The following MACF1 variants were observed in gnomAD, a reference collection of about 807,000 sequenced individuals.
The protein encoded by MACF1 is microtubule-actin cross-linking factor 1.
A neutral mutation model predicts 854.8 loss-of-function variants in MACF1; 193 were observed. The ratio of observed to expected loss-of-function variants is 0.23; its 90% CI spans 0.20 to 0.25. The LOEUF (loss-of-function observed/expected upper bound fraction) is 0.25. Among genes scored for constraint, MACF1 ranks in the 10% least tolerant of loss-of-function variants. MACF1 has a pLI of 1.00. For synonymous variants in MACF1, 3,185 were observed against 3,226.7 expected, an observed-to-expected ratio of 0.99 and a Z score of 0.44; for missense variants, 7,722 against 8,929.1, an observed-to-expected ratio of 0.86 and a Z score of 5.45.
At chr1:39,374,601 C>T (rs1384238630) in intron 52 of MACF1, among the ~76,000 whole-genome samples, 1 of 152,104 alleles carries the variant, frequency 6.6e-6, no homozygotes, top group Non-Finnish European at 1.5e-5. Context: ...CAGTCATATA[C>T]CTCTGCCATT....
chr1:39,173,837 G>T (rs1208177162), intron 2 of MACF1, among the ~76,000 whole-genome samples: 2 of 152,124 alleles, frequency 1.3e-5, no homozygotes, highest in East Asian at 3.8e-4. Context: ...TTTGGTTAGG[G>T]TTAAGAATAA....
At chr1:39,404,896 C>CCTT (rs1642634251) in intron 58 of MACF1, among the ~76,000 whole-genome samples, 1 of 152,164 alleles carries the variant, frequency 6.6e-6, no homozygotes, top group Non-Finnish European at 1.5e-5. Context: ...CTCCATAAAG[C>CCTT]CTTCTCTGAT....
chr1:39,477,135 T>TATATACACACAC (rs71060314), intron 97 of MACF1, among the ~76,000 whole-genome samples: 2 of 103,372 alleles, frequency 1.9e-5, no homozygotes, highest in African/African-American at 7.8e-5. Context: ...TATATATATA[T>TATATACACACAC]ACACACACAC....
intron 49 of MACF1, among the ~76,000 whole-genome samples, chr1:39,364,573 A>G (rs2148524887): frequency 6.6e-6 from 1 of 151,968 alleles, no homozygotes; most frequent in Middle Eastern, 3.4e-3. Flanking sequence ...GCTCACTGCA[A>G]GCTCTGCCTC....
At chr1:39,097,565 T>C (rs1450921163) in intron 2 of MACF1, among the ~76,000 whole-genome samples, 1 of 151,732 alleles carries the variant, frequency 6.6e-6, no homozygotes, top group African/African-American at 2.4e-5. Context: ...CTACAAAAAA[T>C]ACAAAAATTA....
intron 15 of MACF1, 56 bp from the exon 16 acceptor site, chr1:39,291,854 A>G: frequency 6.4e-7 from 1 of 1,566,524 alleles, no homozygotes; most frequent in South Asian, 1.2e-5. Context: ...GGTTCTGACC[A>G]TTTTCCTACC....
chr1:39,327,284 C>T lies in MACF1; in HGVS notation c.4545C>T (p.Asp1515=). 1.2e-6 allele frequency: 2 copies of T among 1,607,828 alleles called. No homozygotes were observed. The highest frequency in any genetic ancestry group is 1.1e-5 in the South Asian group (1 of 90,690). Residue 1515 remains aspartate (D), a synonymous_variant, in exon 36 of 101, where the codon GAC becomes GAT. Coordinates refer to ENST00000564288, the MANE Select transcript of MACF1 (RefSeq NM_001394062.1). ...QLNALNKAYH[D]LCDGSANQLQ... Reference sequence around the variant, plus strand: ...ATGCCCTAAACAAGGCTTACCATGACCTTTGTGATGGTTCTGCAAATCAGC... The same window carrying T: ...ATGCCCTAAACAAGGCTTACCATGATCTTTGTGATGGTTCTGCAAATCAGC...
chr1:39,427,577 A>C lies in MACF1; in HGVS notation c.16439A>C (p.Gln5480Pro), dbSNP rs781432055. 15 of 1,614,058 alleles carry C rather than the reference A, an allele frequency of 9.3e-6. No homozygotes were observed. Among genetic ancestry groups the C allele is most frequent in the Non-Finnish European group, 1.3e-5 (15 of 1,180,010 alleles). ...GCTAACTCAGAACCTGTTGGCACTC[A>C]GACTGCCAAAATACAGCAGCAGATC... ...KLANSEPVGTQTAKIQQQIIR... is the reference protein window; with the variant it reads ...KLANSEPVGTPTAKIQQQIIR... The change falls in exon 62 of 101, where the codon CAG becomes CCG. Residue 5480 changes from glutamine (Q) to proline (P), a missense_variant. Transcript: ENST00000564288.
chr1:39,414,331 A>AC (rs1195687701), intron 58 of MACF1: 1 of 1,613,866 alleles, frequency 6.2e-7, no homozygotes, highest in African/African-American at 1.3e-5. Context: ...AGAAGAAGGA[A>AC]CACCTGTTCT....
intron 93 of MACF1, 49 bp from the exon 94 acceptor site, chr1:39,463,563 G>A: frequency 7.8e-7 from 1 of 1,283,474 alleles, no homozygotes. Context: ...CTCTGAATAG[G>A]AAGTTTTGCT....
At chr1:39,141,763 T>C (rs553048512) in intron 2 of MACF1, among the ~76,000 whole-genome samples, 69 of 152,348 alleles carry the variant, frequency 4.5e-4, no homozygotes, top group African/African-American at 1.4e-3. Flanking sequence ...GTTCTGATTC[T>C]ACCTTAGATT....
chr1:39,264,887 G>A (rs1426247000), intron 6 of MACF1, among the ~76,000 whole-genome samples: 2 of 150,650 alleles, frequency 1.3e-5, no homozygotes, highest in African/African-American at 4.9e-5. Flanking sequence ...TGTTAGCCAG[G>A]ATGGTCTCGA....
chr1:39,129,495 C>T (rs1440862524), intron 2 of MACF1, among the ~76,000 whole-genome samples: 1 of 152,160 alleles, frequency 6.6e-6, no homozygotes, highest in East Asian at 1.9e-4. Flanking sequence ...ACTGTACCAG[C>T]CATCTACTTA....
intron 2 of MACF1, among the ~76,000 whole-genome samples, chr1:39,233,808 T>TTTTGTTTTTTTTTTTTTA (rs755591226): frequency 1.5e-5 from 1 of 65,772 alleles, no homozygotes; most frequent in African/African-American, 4.3e-5. Flanking sequence ...ATTTATTTTT[T>TTTTGTTTTTTTTTTTTTA]ATTGATAATT....
chr1:39,451,349 C>A, intron 85 of MACF1, 138 bp downstream of exon 85: 2 of 896,744 alleles, frequency 2.2e-6, no homozygotes, highest in Non-Finnish European at 3.2e-6. Context: ...TGTGTTTAAA[C>A]AAACTGTTGC....
At chr1:39,389,336 C>G (rs1185777999) in intron 58 of MACF1, among the ~76,000 whole-genome samples, 1 of 138,368 alleles carries the variant, frequency 7.2e-6, no homozygotes, top group Non-Finnish European at 1.6e-5. Context: ...ATCTTCAGGT[C>G]TCTGGTTTTT....
At chr1:39,256,380 A>C (rs915292323) in intron 5 of MACF1, among the ~76,000 whole-genome samples, 1 of 151,976 alleles carries the variant, frequency 6.6e-6, no homozygotes, top group Non-Finnish European at 1.5e-5. Flanking sequence ...CTTGCATCCT[A>C]CTCCCACCGT....
intron 6 of MACF1, chr1:39,269,357 G>T: frequency 7.8e-7 from 1 of 1,289,872 alleles, no homozygotes; most frequent in Non-Finnish European, 1.0e-6. Flanking sequence ...CAGAGGGCTG[G>T]AGTGTGGAGG....
chr1:39,333,280 A>G lies in MACF1; in HGVS notation c.6692A>G (p.Lys2231Arg). Reference protein sequence around the residue: ...VHPLDKKEMLKKTFLAKDDHK... With the variant: ...VHPLDKKEMLRKTFLAKDDHK... ...CCTCTGGACAAAAAGGAAATGTTAA[A>G]GAAAACATTTCTGGCTAAGGATGAC... Residue 2231 changes from lysine to arginine, a missense_variant, in exon 37 of 101, where the codon AAG becomes AGG. By Grantham distance (26) the Lys-to-Arg change is conservative. Transcript: ENST00000564288. 1 of 1,614,140 alleles carries G rather than the reference A, an allele frequency of 6.2e-7. No individual in the cohort carries two copies. The highest frequency in any genetic ancestry group is 1.1e-5 in the South Asian group (1 of 91,066).
Sources: gnomAD v4.1 joint callset for allele counts (sites outside exome capture counted in the v4.1 genomes callset) on GRCh38, gnomAD v4.1.1 for gene constraint, MANE v1.5 for transcripts, NCBI Gene and HGNC (gene_info 2026-07-23, HGNC 2026-07-21) for gene names.